RNLS: variants seen among roughly 807,000 people sequenced by gnomAD.
The protein encoded by RNLS is renalase.
In RNLS, 39 loss-of-function variants were observed where a neutral mutation model predicts 39.8. That is an observed-to-expected ratio of 0.98 (90% CI 0.76 to 1.28). The LOEUF is 1.28. RNLS is among the 50% of genes most tolerant of loss of function. The pLI, the probability that RNLS is intolerant of heterozygous loss-of-function variation, is 0.00. For missense variants in RNLS, 410 were observed against 413.3 expected (o/e 0.99, Z 0.07); for synonymous variants, 147 against 150.7 (o/e 0.98, Z 0.18).
chr10:88,550,909 G>C (rs1161607128), intron 4 of RNLS, among the ~76,000 whole-genome samples: 3 of 152,160 alleles, frequency 2.0e-5, no homozygotes, highest in Non-Finnish European at 4.4e-5. Context: ...AGATAGATTG[G>C]CATTTGCCCG....
chr10:88,475,484 A>C (rs1187874882), intron 4 of RNLS, among the ~76,000 whole-genome samples: 2 of 152,192 alleles, frequency 1.3e-5, no homozygotes, highest in Non-Finnish European at 2.9e-5. Flanking sequence ...ATTTTCAATG[A>C]TCTTTTTAAC....
chr10:88,326,137 T>C (rs1211227837), intron 5 of RNLS, among the ~76,000 whole-genome samples: 1 of 152,140 alleles, frequency 6.6e-6, no homozygotes, highest in Non-Finnish European at 1.5e-5. Context: ...ATACAGTAAA[T>C]TGGTACCTCA....
chr10:88,450,070 G>A (rs1842281224), intron 4 of RNLS, among the ~76,000 whole-genome samples: 1 of 151,944 alleles, frequency 6.6e-6, no homozygotes, highest in Non-Finnish European at 1.5e-5. Flanking sequence ...TTGTAGTAAA[G>A]TCTGGAAGCC....
intron 4 of RNLS, among the ~76,000 whole-genome samples, chr10:88,403,729 A>C (rs897331561): frequency 2.6e-5 from 4 of 151,924 alleles, no homozygotes; most frequent in African/African-American, 9.7e-5. Flanking sequence ...AAAATACATA[A>C]ATTTGTCTAG....
At chr10:88,298,907 G>C (rs1265545630) in intron 6 of RNLS, among the ~76,000 whole-genome samples, 3 of 152,118 alleles carry the variant, frequency 2.0e-5, no homozygotes, top group African/African-American at 7.2e-5. Flanking sequence ...GATCACTCTG[G>C]TTAATACTGC....
chr10:88,270,469 G>C (rs886946387), downstream of RNLS, among the ~76,000 whole-genome samples: 1 of 152,098 alleles, frequency 6.6e-6, no homozygotes, highest in African/African-American at 2.4e-5. Context: ...GTGCCTCAGG[G>C]GTTCCTAAAC....
the RNLS span, among the ~76,000 whole-genome samples, chr10:88,184,043 T>C: frequency 6.6e-6 from 1 of 152,152 alleles, no homozygotes; most frequent in Non-Finnish European, 1.5e-5. Context: ...GGTAGTGTTC[T>C]GGTAGTGGTG....
chr10:88,422,543 A>T (rs2133765897), intron 4 of RNLS, among the ~76,000 whole-genome samples: 1 of 152,258 alleles, frequency 6.6e-6, no homozygotes, highest in Admixed American at 6.5e-5. Context: ...GGTTTAACAA[A>T]TTGAGTTTCA....
the RNLS span, among the ~76,000 whole-genome samples, chr10:88,268,001 G>A: frequency 6.6e-6 from 1 of 152,150 alleles, no homozygotes; most frequent in East Asian, 1.9e-4. Context: ...AAACAGAAAG[G>A]TTCTGTGAAT....
the RNLS span, among the ~76,000 whole-genome samples, chr10:88,211,142 T>C: frequency 6.6e-6 from 1 of 152,166 alleles, no homozygotes; most frequent in Non-Finnish European, 1.5e-5. Flanking sequence ...GCTTTAAATA[T>C]CGATTTCATC....
intron 4 of RNLS, among the ~76,000 whole-genome samples, chr10:88,558,510 G>A (rs977415997): frequency 1.3e-5 from 2 of 152,058 alleles, no homozygotes; most frequent in Non-Finnish European, 2.9e-5. Flanking sequence ...CACTTAAGTA[G>A]GTAAACTCCC....
At chr10:88,235,363 A>G in the RNLS span, among the ~76,000 whole-genome samples, 1 of 152,124 alleles carries the variant, frequency 6.6e-6, no homozygotes, top group Non-Finnish European at 1.5e-5. Flanking sequence ...TAGTATCCAA[A>G]GCAAACAAGC....
At chr10:88,528,032 T>A in intron 4 of RNLS, among the ~76,000 whole-genome samples, 1 of 150,070 alleles carries the variant, frequency 6.7e-6, no homozygotes, top group Non-Finnish European at 1.5e-5. Flanking sequence ...AAGTAGAAAA[T>A]AGAGAAGAGT....
At chr10:88,379,388 GT>G (rs376241815) in intron 4 of RNLS, among the ~76,000 whole-genome samples, 22 of 151,828 alleles carry the variant, frequency 1.4e-4, no homozygotes, top group Admixed American at 5.9e-4. Context: ...AGACCAAGGT[GT>G]TTTTTATTTA....
chr10:88,581,556 C>T lies in RNLS; in HGVS notation c.367+11G>A, dbSNP rs746015369. On this transcript the variant is annotated intron_variant, in intron 3 of 6. Transcript: ENST00000331772. ...ATTTTAAAATTTAGGCAGAGAAAAT[C>T]TTACTCCCACCTGATTCTTTCAAGT... 2.5e-6 allele frequency: 4 copies of T among 1,580,532 alleles called. No individual in the cohort carries two copies. Among genetic ancestry groups the T allele is most frequent in the Non-Finnish European group, 3.4e-6 (4 of 1,167,256 alleles).
the RNLS span, among the ~76,000 whole-genome samples, chr10:88,214,860 ATG>A: frequency 6.6e-6 from 1 of 152,208 alleles, no homozygotes; most frequent in Non-Finnish European, 1.5e-5. Flanking sequence ...ATTATCTTAA[ATG>A]TGACATTTTG....
the RNLS span, among the ~76,000 whole-genome samples, chr10:88,245,945 G>C: frequency 6.6e-6 from 1 of 152,116 alleles, no homozygotes; most frequent in Non-Finnish European, 1.5e-5. Context: ...CTAATTTCCT[G>C]ATTTCACTGA....
At chr10:88,540,689 A>G (rs946151620) in intron 4 of RNLS, among the ~76,000 whole-genome samples, 12 of 152,120 alleles carry the variant, frequency 7.9e-5, no homozygotes, top group Admixed American at 7.9e-4. Flanking sequence ...AATCTTTTTA[A>G]AGAATTGTGG....
At chr10:88,345,064 C>A (rs181480484) in intron 5 of RNLS, among the ~76,000 whole-genome samples, 2 of 152,250 alleles carry the variant, frequency 1.3e-5, no homozygotes, top group African/African-American at 4.8e-5. Flanking sequence ...GCCTTCTCAG[C>A]TCACTTAATA....
Sources: gnomAD v4.1 joint callset for allele counts (sites outside exome capture counted in the v4.1 genomes callset) on GRCh38, gnomAD v4.1.1 for gene constraint, MANE v1.5 for transcripts, NCBI Gene and HGNC (gene_info 2026-07-23, HGNC 2026-07-21) for gene names.